WDR7: variants seen among roughly 807,000 people sequenced by gnomAD.
WDR7 encodes the protein WD repeat domain 7.
Under a neutral mutation model 169.4 loss-of-function variants are expected in WDR7, and 46 were observed. That is an observed-to-expected ratio of 0.27 (90% CI 0.21 to 0.35). The LOEUF (loss-of-function observed/expected upper bound fraction) is 0.35, where lower values mean the gene tolerates loss of function less well. Among genes scored for constraint, WDR7 ranks in the 10% least tolerant of loss-of-function variants. WDR7 has a pLI of 1.00. For missense variants in WDR7, 1,534 were observed against 1,859.3 expected (o/e 0.83, Z 3.22); for synonymous variants, 612 against 666.8 (o/e 0.92, Z 1.27).
At chr18:56,752,935 C>T (rs1272932347) in intron 14 of WDR7, among the ~76,000 whole-genome samples, 1 of 152,146 alleles carries the variant, frequency 6.6e-6, no homozygotes, top group East Asian at 1.9e-4. Flanking sequence ...TCTGAAACTA[C>T]TTGGTTCTGA....
chr18:57,034,303 G>A (rs1016015469), downstream of WDR7: 1 of 152,216 alleles, frequency 6.6e-6, no homozygotes, highest in Non-Finnish European at 1.5e-5. Context: ...CTTGAGCATT[G>A]ACTGAAGGCT....
At position 56,756,966 on chromosome 18, in the gene WDR7, A is replaced by G. The variant is rs1478923826; in HGVS notation, c.2373A>G (p.Leu791=). The change falls in exon 15 of 28, where the codon TTA becomes TTG. Residue 791 remains leucine, a synonymous_variant. Transcript: ENST00000254442. ...GCAAATCAAAGCCATTGACCCTATT[A>G]GAATATAATTTAACTATGGACACTG... ...RSSKSKPLTL[L]EYNLTMDTAK... 6.2e-7 allele frequency: 1 copy of G among 1,614,168 alleles called. No homozygotes were observed. Among genetic ancestry groups the G allele is most frequent in the Non-Finnish European group, 8.5e-7 (1 of 1,180,028 alleles).
At chr18:56,947,610 A>G (rs1038288286) in intron 25 of WDR7, among the ~76,000 whole-genome samples, 1 of 152,236 alleles carries the variant, frequency 6.6e-6, no homozygotes, top group Non-Finnish European at 1.5e-5. Context: ...CCTCACGCAG[A>G]AGACCAATCA....
At chr18:57,000,028 G>A (rs895327956) in intron 26 of WDR7, among the ~76,000 whole-genome samples, 3 of 152,118 alleles carry the variant, frequency 2.0e-5, no homozygotes, top group South Asian at 2.1e-4. Flanking sequence ...GCTGGCCAGC[G>A]TACCACAATT....
chr18:57,035,012 C>T, the WDR7 span: 1 of 152,178 alleles, frequency 6.6e-6, no homozygotes, highest in African/African-American at 2.4e-5. Flanking sequence ...ATCTTGAACC[C>T]CCGATTCCAG....
intron 16 of WDR7, among the ~76,000 whole-genome samples, chr18:56,771,471 C>G (rs1599031137): frequency 6.6e-6 from 1 of 151,712 alleles, no homozygotes. Context: ...CCTTTAGTCC[C>G]AGGAATTTGG....
At chr18:56,806,216 A>AT (rs1026901301) in intron 19 of WDR7, among the ~76,000 whole-genome samples, 1 of 151,958 alleles carries the variant, frequency 6.6e-6, no homozygotes, top group African/African-American at 2.4e-5. Flanking sequence ...CCCTACCTTC[A>AT]TTTTTATTTT....
At chr18:56,713,568 T>C (rs1226023152) in intron 12 of WDR7, among the ~76,000 whole-genome samples, 1 of 152,210 alleles carries the variant, frequency 6.6e-6, no homozygotes, top group Admixed American at 6.5e-5. Context: ...CATTTTTTAG[T>C]TGTTGTATTA....
intron 20 of WDR7, among the ~76,000 whole-genome samples, chr18:56,843,857 C>CTTTTTTT (rs776575088): frequency 3.0e-5 from 4 of 134,326 alleles, no homozygotes; most frequent in Non-Finnish European, 4.7e-5. Context: ...TTTTTTCTTT[C>CTTTTTTT]TTTTTTTTTT....
At chr18:56,938,926 G>A (rs756207537) in intron 24 of WDR7, among the ~76,000 whole-genome samples, 79 of 151,530 alleles carry the variant, frequency 5.2e-4, no homozygotes, top group Non-Finnish European at 4.7e-4. Flanking sequence ...CGATTTTCAA[G>A]TTCATTCACC....
chr18:56,700,252 C>CTTTTTTTTTTTTTTTTTT (rs1226348026), intron 12 of WDR7, among the ~76,000 whole-genome samples: 21 of 67,254 alleles, frequency 3.1e-4, no homozygotes, highest in African/African-American at 4.3e-4. Flanking sequence ...TTTTCATTTT[C>CTTTTTTTTTTTTTTTTTT]TTTTTTTTTT....
At chr18:56,790,960 A>G (rs1249786848) in intron 19 of WDR7, among the ~76,000 whole-genome samples, 2 of 152,120 alleles carry the variant, frequency 1.3e-5, no homozygotes, top group Non-Finnish European at 2.9e-5. Flanking sequence ...GTCATCTGTA[A>G]CAGTACTTAG....
chr18:56,916,111 A>G (rs1426032708), intron 21 of WDR7, among the ~76,000 whole-genome samples: 1 of 152,176 alleles, frequency 6.6e-6, no homozygotes, highest in African/African-American at 2.4e-5. Context: ...TCAATGGAAA[A>G]CTTAGACAAA....
chr18:56,729,839 G>A (rs990706733), intron 13 of WDR7, among the ~76,000 whole-genome samples: 5 of 152,130 alleles, frequency 3.3e-5, no homozygotes, highest in African/African-American at 1.2e-4. Flanking sequence ...TGTACTAAAA[G>A]TGTATTACCA....
At chr18:56,738,121 G>GT (rs2026740238) in intron 14 of WDR7, among the ~76,000 whole-genome samples, 1 of 152,174 alleles carries the variant, frequency 6.6e-6, no homozygotes, top group Non-Finnish European at 1.5e-5. Flanking sequence ...GCCTGTGACT[G>GT]TAAGAGGGGA....
At position 56,857,891 on chromosome 18, in the gene WDR7, C is replaced by T. The variant is rs11872794; in HGVS notation, c.3305-22053C>T. Among the ~76,000 whole-genome samples the T allele has an allele frequency of 2.3e-3, 355 of 152,172 alleles. 3 individuals are homozygous for T. Among genetic ancestry groups the T allele is most frequent in the African/African-American group, 8.4e-3 (347 of 41,538 alleles). On this transcript the variant is annotated intron_variant, in intron 20 of 27. Coordinates refer to ENST00000254442, the MANE Select transcript of WDR7 (RefSeq NM_015285.3). Reference sequence around the variant, plus strand: ...TAAGAAAGTAGGAAAGGAAATGTCCCCTCCTACCTTCTCTGTGACTCCCTT... The same window carrying T: ...TAAGAAAGTAGGAAAGGAAATGTCCTCTCCTACCTTCTCTGTGACTCCCTT...
rs1263370439 is a variant in WDR7 at position 56,800,300 on chromosome 18, G to T, written c.3191-15731G>T. Among the ~76,000 whole-genome samples, 4 of 152,146 alleles carry T rather than the reference G, an allele frequency of 2.6e-5. 1 individual carries two copies. The highest frequency in any genetic ancestry group is 2.6e-4 in the Admixed American group (4 of 15,268). ...AATCACTGTAATGTAGTGGAATCAT[G>T]ATGTGCTTCTATAGATGCATTATGC... On this transcript the variant is annotated intron_variant, in intron 19 of 27. Transcript: ENST00000254442.
intron 11 of WDR7, among the ~76,000 whole-genome samples, chr18:56,695,556 G>A (rs1307792124): frequency 1.4e-5 from 2 of 140,598 alleles, no homozygotes; most frequent in Non-Finnish European, 3.0e-5. Flanking sequence ...TTTTTTTTCC[G>A]AGAAAGAGTC....
intron 13 of WDR7, among the ~76,000 whole-genome samples, chr18:56,728,724 C>A (rs2026517218): frequency 3.3e-5 from 5 of 152,132 alleles, no homozygotes; most frequent in Admixed American, 6.5e-5. Context: ...TTTCTTAGAC[C>A]CACCTTTGGG....
Sources: allele counts gnomAD v4.1 joint callset (sites outside exome capture counted in the v4.1 genomes callset), GRCh38; gene constraint gnomAD v4.1.1; transcripts MANE v1.5; gene names NCBI Gene and HGNC (gene_info 2026-07-23, HGNC 2026-07-21).